The following HEG1 variants were observed in gnomAD, a reference collection of about 807,000 sequenced individuals.
HEG1 encodes the protein protein HEG homolog 1.
A neutral mutation model predicts 125.6 loss-of-function variants in HEG1; 56 were observed. That is an observed-to-expected ratio of 0.45 (90% CI 0.36 to 0.56). HEG1 has a LOEUF of 0.56. HEG1 is among the 20% of genes least tolerant of loss of function. HEG1 has a pLI of 0.00. For synonymous variants in HEG1, 644 were observed against 668.5 expected, an observed-to-expected ratio of 0.96 and a Z score of 0.57; for missense variants, 1,523 against 1,670.0, an observed-to-expected ratio of 0.91 and a Z score of 1.53.
intron 2 of HEG1, 112 bp from the exon 3 acceptor site, chr3:125,027,619 A>AT: frequency 4.6e-6 from 4 of 864,868 alleles, no homozygotes; most frequent in Non-Finnish European, 7.0e-6. Context: ...ATAAGAAGAA[A>AT]TTAGGAGAAT....
chr3:125,026,245 A>G (rs1320508115), intron 3 of HEG1, among the ~76,000 whole-genome samples: 1 of 152,218 alleles, frequency 6.6e-6, no homozygotes, highest in Non-Finnish European at 1.5e-5. Flanking sequence ...ATCTGGGCAC[A>G]TGCTAATCCC....
At chr3:125,051,598 G>A (rs554355076) in intron 1 of HEG1, among the ~76,000 whole-genome samples, 135 of 152,320 alleles carry the variant, frequency 8.9e-4, no homozygotes, top group Admixed American at 1.5e-3. Context: ...TGAAGGCGCC[G>A]ACCACACATA....
intron 3 of HEG1, among the ~76,000 whole-genome samples, chr3:125,022,396 C>CGAGAGAGAGA (rs10565452): frequency 0.01 from 1,445 of 142,704 alleles, 23 homozygotes; most frequent in African/African-American, 0.032. Context: ...ATCACTACAG[C>CGAGAGAGAGA]GAGAGAGAGA....
Position 125,029,451 on chromosome 3 carries a change from C to T in HEG1, c.354G>A (p.Glu118=), listed in dbSNP as rs1937465277. The T allele has an allele frequency of 6.2e-7, 1 of 1,600,972 alleles. No homozygotes were observed. The highest frequency in any genetic ancestry group is 2.2e-5 in the East Asian group (1 of 44,850). Residue 118 remains glutamate, a synonymous_variant, in exon 2 of 17, where the codon GAG becomes GAA. Coordinates refer to ENST00000311127, the MANE Select transcript of HEG1 (RefSeq NM_020733.2). ...AWKHWPESNT[E]AHVENITFYQ... is the part of the protein sequence containing the mutation. ...AGAAGGTGATGTTTTCTACATGGGCCTCAGTGTTACTTTCTGGCCAATGTT... is the reference window on the plus strand; with the variant it reads ...AGAAGGTGATGTTTTCTACATGGGCTTCAGTGTTACTTTCTGGCCAATGTT...
Position 125,012,887 on chromosome 3 carries a change from C to T in HEG1, c.2692G>A (p.Gly898Ser), listed in dbSNP as rs1226747971. The T allele has an allele frequency of 5.6e-6, 9 of 1,614,016 alleles. No homozygotes were observed. The highest frequency in any genetic ancestry group is 6.8e-6 in the Non-Finnish European group (8 of 1,179,898). ...ACTCGGTTCCTTTCTGTGCTGATGC[C>T]ACCTTCTGTTGAGATTTGAGGAACT... is the stretch of plus-strand genomic sequence containing the variant. The part of the protein sequence containing the change: ...ILVPQISTEG[G>S]ISTERNRVIV... Residue 898 changes from glycine (G) to serine (S), a missense_variant, in exon 6 of 17, where the codon GGC becomes AGC. Coordinates refer to ENST00000311127, the MANE Select transcript of HEG1 (RefSeq NM_020733.2).
chr3:125,037,982 T>A (rs1266578507), intron 1 of HEG1, among the ~76,000 whole-genome samples: 1 of 152,352 alleles, frequency 6.6e-6, no homozygotes, highest in East Asian at 1.9e-4. Context: ...TGTAAGAGCT[T>A]AGAAAGAGTG....
chr3:124,988,849 G>A (rs993354209), intron 14 of HEG1, among the ~76,000 whole-genome samples: 5 of 152,110 alleles, frequency 3.3e-5, no homozygotes, highest in East Asian at 1.9e-4. Flanking sequence ...CCCAGGAGGC[G>A]GAGGTTGCAG....
At chr3:124,992,834 A>AT (rs1246088010) in intron 12 of HEG1, among the ~76,000 whole-genome samples, 1 of 152,236 alleles carries the variant, frequency 6.6e-6, no homozygotes, top group East Asian at 1.9e-4. Context: ...CTCACAGCAG[A>AT]TATTAGAGAG....
Position 125,029,364 on chromosome 3 carries a change from A to G in HEG1, c.441T>C (p.Ser147=), listed in dbSNP as rs1207721652. 5 of 1,613,860 alleles carry G rather than the reference A, an allele frequency of 3.1e-6. No homozygotes were observed. The East Asian group carries it at 1.1e-4, about 36-fold the overall frequency. Residue 147 remains serine, a synonymous_variant, in exon 2 of 17, where the codon TCT becomes TCC. Coordinates refer to ENST00000311127, the MANE Select transcript of HEG1 (RefSeq NM_020733.2). The stretch of plus-strand genomic sequence containing the variant: ...CATCCGAAGCAGCATGGCTCTTCCC[A>G]GAGGTCTGAACCATCACGCCCTCTT... ...SSKEGVMVQT[S]GKSHAASDAP... is the part of the protein sequence containing the mutation.
chr3:124,971,268 A>G lies in HEG1; in HGVS notation c.3997-467T>C, dbSNP rs139055974. 5.0e-3 allele frequency: 2,125 copies of G among 427,294 alleles called. 43 individuals are homozygous for G. Among genetic ancestry groups the G allele is most frequent in the African/African-American group, 0.039 (1,945 of 49,248 alleles). The allele number at this position is 427,294 out of a possible 1,614,324, so 26.5% of individuals were successfully genotyped here. ...CATAAATAAGTTGCAGGAGAGCCCA[A>G]TGTGGGAATCACCTGGACGACACCT... On this transcript the variant is annotated intron_variant, in intron 16 of 16. Transcript: ENST00000311127.
intron 2 of HEG1, among the ~76,000 whole-genome samples, chr3:125,028,212 C>G (rs969172270): frequency 2.0e-5 from 3 of 152,356 alleles, no homozygotes; most frequent in Middle Eastern, 3.4e-3. Flanking sequence ...GCTAGACATC[C>G]TGTAACCTGC....
chr3:125,031,410 C>T (rs1937495743), intron 1 of HEG1, among the ~76,000 whole-genome samples: 1 of 152,168 alleles, frequency 6.6e-6, no homozygotes, highest in Non-Finnish European at 1.5e-5. Context: ...GGACACTGAG[C>T]AAGGGTGAGG....
At chr3:125,039,941 G>A (rs574891062) in intron 1 of HEG1, among the ~76,000 whole-genome samples, 32 of 152,200 alleles carry the variant, frequency 2.1e-4, no homozygotes, top group Middle Eastern at 3.4e-3. Context: ...GGAATGAAAT[G>A]GTGCCTATCA....
At chr3:125,046,794 C>A (rs1671315493) in intron 1 of HEG1, among the ~76,000 whole-genome samples, 1 of 152,216 alleles carries the variant, frequency 6.6e-6, no homozygotes, top group Non-Finnish European at 1.5e-5. Context: ...GGCTCACACA[C>A]ACTCTGAAGG....
chr3:124,975,658 T>C (rs563516816), intron 15 of HEG1, among the ~76,000 whole-genome samples: 1 of 152,296 alleles, frequency 6.6e-6, no homozygotes, highest in South Asian at 2.1e-4. Context: ...CCATACCCCT[T>C]AGCCACCATC....
rs1289447746 is a variant in HEG1 at position 124,970,099 on chromosome 3, G to C, written c.*553C>G. 1 of 152,654 alleles carries C rather than the reference G, an allele frequency of 6.6e-6. No homozygotes were observed. The highest frequency in any genetic ancestry group is 1.5e-5 in the Non-Finnish European group (1 of 68,452). The allele number at this position is 152,654 out of a possible 1,614,324, so 9.5% of individuals were successfully genotyped here. On this transcript the variant is annotated 3_prime_UTR_variant, in exon 17 of 17. Coordinates refer to ENST00000311127, the MANE Select transcript of HEG1 (RefSeq NM_020733.2). ...CATATGAAAACACTGTCCGTTCAATGGCGACATCTTCAGACTTCAGTGGTA... is the reference window on the plus strand; with the variant it reads ...CATATGAAAACACTGTCCGTTCAATCGCGACATCTTCAGACTTCAGTGGTA...
intron 3 of HEG1, among the ~76,000 whole-genome samples, chr3:125,026,164 G>A (rs896711250): frequency 4.6e-5 from 7 of 152,118 alleles, no homozygotes; most frequent in Admixed American, 1.3e-4. Context: ...ATAAAACCTC[G>A]GAGAAGAAAA....
At chr3:124,997,912 T>C (rs1161880751) in intron 11 of HEG1, 89 bp from the exon 12 acceptor site, 2 of 1,341,462 alleles carry the variant, frequency 1.5e-6, no homozygotes, top group Non-Finnish European at 2.0e-6. Flanking sequence ...CTCATGTGTC[T>C]GCATGAACTC....
chr3:125,046,766 C>G (rs1022522023), intron 1 of HEG1, among the ~76,000 whole-genome samples: 4 of 152,176 alleles, frequency 2.6e-5, no homozygotes, highest in Non-Finnish European at 4.4e-5. Flanking sequence ...GCAAGAAACA[C>G]AAGGGAGTTG....
Sources: allele counts gnomAD v4.1 joint callset (sites outside exome capture counted in the v4.1 genomes callset), GRCh38; gene constraint gnomAD v4.1.1; transcripts MANE v1.5; gene names NCBI Gene and HGNC (gene_info 2026-07-23, HGNC 2026-07-21).